The following MFSD1 variants were observed in gnomAD, a reference collection of about 807,000 sequenced individuals.
MFSD1 encodes major facilitator superfamily domain containing 1.
Under a neutral mutation model 67.1 loss-of-function variants are expected in MFSD1, and 59 were observed. The observed-to-expected ratio is 0.88, with a 90% CI of 0.71 to 1.09. MFSD1 has a LOEUF of 1.09. Among genes scored for constraint, MFSD1 ranks in the 50% least tolerant of loss-of-function variants. The probability of loss-of-function intolerance (pLI) is 0.00; values close to 1 mark genes in which losing one functional copy is unlikely to be tolerated. For missense variants in MFSD1, 552 were observed against 566.1 expected (o/e 0.97, Z 0.25); for synonymous variants, 213 against 200.3 (o/e 1.06, Z -0.54).
intron 6 of MFSD1, among the ~76,000 whole-genome samples, chr3:158,810,570 A>G (rs1189513285): frequency 6.6e-6 from 1 of 152,178 alleles, no homozygotes; most frequent in African/African-American, 2.4e-5. Flanking sequence ...TCTCGCTATG[A>G]AAGTTCTGTG....
chr3:158,804,171 T>C (rs1729600652), intron 1 of MFSD1, 148 bp from the exon 2 acceptor site: 2 of 564,884 alleles, frequency 3.5e-6, no homozygotes, highest in Non-Finnish European at 6.2e-6. Context: ...ACTTAGAAAA[T>C]ACTGGTGGAT....
chr3:158,813,941 G>GTT, intron 6 of MFSD1, 24 bp from the exon 7 acceptor site: 4 of 1,474,588 alleles, frequency 2.7e-6, no homozygotes, highest in Admixed American at 1.7e-5. Context: ...AAATGCTGTT[G>GTT]TTTTTTTTTC....
chr3:158,808,029 G>T (rs1324298042), intron 5 of MFSD1, among the ~76,000 whole-genome samples: 1 of 152,200 alleles, frequency 6.6e-6, no homozygotes, highest in African/African-American at 2.4e-5. Flanking sequence ...AGTTTTAAAA[G>T]CATAACTTAT....
chr3:158,829,148 A>C lies in MFSD1; in HGVS notation c.*166A>C. The C allele has an allele frequency of 2.1e-6, 1 of 486,646 alleles. No individual in the cohort carries two copies. Among genetic ancestry groups the C allele is most frequent in the East Asian group, 3.5e-5 (1 of 28,354 alleles). The allele number at this position is 486,646 out of a possible 1,614,324, so 30.1% of individuals were successfully genotyped here. A position where few individuals can be genotyped will look rare whatever the true frequency, so the allele number is the denominator to read the frequency against. On this transcript the variant is annotated 3_prime_UTR_variant, in exon 16 of 16. Transcript: ENST00000415822. ...AAAGTGTATTTGTGAGGCCTGTTTT[A>C]GCCTGTGTCTTTTGTATTGTGTGTT...
intron 7 of MFSD1, among the ~76,000 whole-genome samples, chr3:158,816,664 A>C (rs1730366204): frequency 6.6e-6 from 1 of 150,980 alleles, no homozygotes; most frequent in African/African-American, 2.4e-5. Context: ...ATGAGATCCC[A>C]TTTGTCAATT....
At chr3:158,805,579 C>G in intron 3 of MFSD1, 105 bp downstream of exon 3, 5 of 891,310 alleles carry the variant, frequency 5.6e-6, no homozygotes, top group Non-Finnish European at 9.1e-6. Flanking sequence ...TCTGTATTAA[C>G]TAATAATTTG....
At chr3:158,827,962 G>GAA (rs1662254866) in intron 15 of MFSD1, among the ~76,000 whole-genome samples, 2 of 115,958 alleles carry the variant, frequency 1.7e-5, no homozygotes, top group Admixed American at 1.7e-4. Flanking sequence ...GAGAGAGAGA[G>GAA]AGAGAGAGAG....
intron 6 of MFSD1, among the ~76,000 whole-genome samples, chr3:158,809,730 A>G (rs1729906924): frequency 6.6e-6 from 1 of 152,220 alleles, no homozygotes; most frequent in African/African-American, 2.4e-5. Context: ...ATTTACAAGT[A>G]GCTTTTACTG....
In MFSD1 at chr3:158,814,600, C is replaced by T. The variant is rs559155183; in HGVS notation, c.652+533C>T. Among the ~76,000 whole-genome samples, 6 of 152,072 alleles carry T rather than the reference C, an allele frequency of 3.9e-5. No homozygotes were observed. In the East Asian group the frequency reaches 7.8e-4, roughly 20 times the overall value. On this transcript the variant is annotated intron_variant, in intron 7 of 15. Coordinates refer to ENST00000415822, the MANE Select transcript of MFSD1 (RefSeq NM_022736.4). Reference sequence around the variant, plus strand: ...CCTCCCAGAGTGCTGGGATTACAGGCGTGAGCCACCGCACCTGGCCTGTTG... The same window carrying T: ...CCTCCCAGAGTGCTGGGATTACAGGTGTGAGCCACCGCACCTGGCCTGTTG...
chr3:158,816,071 G>C (rs1332275611), intron 7 of MFSD1, among the ~76,000 whole-genome samples: 89 of 151,990 alleles, frequency 5.9e-4, no homozygotes, highest in African/African-American at 2.0e-3. Context: ...CATTTGGGTT[G>C]GTTCCAAGTC....
chr3:158,826,882 G>A (rs1465630118), intron 14 of MFSD1, among the ~76,000 whole-genome samples: 1 of 151,854 alleles, frequency 6.6e-6, no homozygotes, highest in Non-Finnish European at 1.5e-5. Context: ...TGCCCAGGCT[G>A]GTTTCAAACT....
chr3:158,815,302 A>G (rs941457204), intron 7 of MFSD1, among the ~76,000 whole-genome samples: 1 of 149,696 alleles, frequency 6.7e-6, no homozygotes, highest in African/African-American at 2.5e-5. Context: ...TAGTTCTGTC[A>G]TCTTGGATAA....
chr3:158,816,744 G>C (rs1730371512), intron 7 of MFSD1, among the ~76,000 whole-genome samples: 1 of 151,278 alleles, frequency 6.6e-6, no homozygotes, highest in African/African-American at 2.4e-5. Flanking sequence ...GTCCTGAATG[G>C]TAATGCCTAG....
intron 1 of MFSD1, among the ~76,000 whole-genome samples, chr3:158,803,751 T>C (rs929921726): frequency 6.6e-6 from 1 of 152,148 alleles, no homozygotes; most frequent in Non-Finnish European, 1.5e-5. Context: ...TCTTTCCAGT[T>C]CCCCCAAAGA....
At chr3:158,808,928 G>A (rs2108209210) in intron 5 of MFSD1, 2 of 381,466 alleles carry the variant, frequency 5.2e-6, no homozygotes, top group Non-Finnish European at 4.7e-6. Context: ...GTGGTTCAGG[G>A]CTCCAAGTGC....
At position 158,822,122 on chromosome 3, in the gene MFSD1, G is replaced by A. The variant is rs1730713095; in HGVS notation, c.1059G>A (p.Trp353Ter). 2 of 1,612,958 alleles carry A rather than the reference G, an allele frequency of 1.2e-6. No homozygotes were observed. Among genetic ancestry groups the A allele is most frequent in the Non-Finnish European group, 1.7e-6 (2 of 1,179,128 alleles). Residue 353 changes from tryptophan to a stop codon, truncating the protein, a stop_gained, in exon 11 of 16, where the codon TGG becomes TGA. Transcript: ENST00000415822. LOFTEE classifies it high-confidence loss of function. ...ACATGATGCTGGCCTTTACGATGTGGAACCCTTGGATTGCTATGGTAACGT... is the reference window on the plus strand; with the variant it reads ...ACATGATGCTGGCCTTTACGATGTGAAACCCTTGGATTGCTATGGTAACGT... The part of the protein sequence containing the change: ...VSHMMLAFTM[W>*]NPWIAMCLLG...
chr3:158,814,003 T>G lies in MFSD1; in HGVS notation c.588T>G (p.Tyr196Ter), dbSNP rs1730177208. 3 of 1,613,894 alleles carry G rather than the reference T, an allele frequency of 1.9e-6. No individual in the cohort carries two copies. Among genetic ancestry groups the G allele is most frequent in the Admixed American group, 1.7e-5 (1 of 59,994 alleles). Residue 196 changes from tyrosine (Y) to a stop codon, truncating the protein, a stop_gained, in exon 7 of 16, where the codon TAT becomes TAG. Coordinates refer to ENST00000415822, the MANE Select transcript of MFSD1 (RefSeq NM_022736.4). LOFTEE classifies it high-confidence loss of function. ...TVNMNLMGWL[Y>*]SKIEALLGSA... ...ACATGAACCTCATGGGATGGCTGTA[T>G]TCTAAGATTGAAGCTTTGTTAGGTT...
chr3:158,822,686 C>T (rs1730739418), intron 11 of MFSD1: 1 of 153,598 alleles, frequency 6.5e-6, no homozygotes, highest in South Asian at 2.0e-4. Flanking sequence ...GGGCATTTCT[C>T]TAGAAGTGTT....
chr3:158,807,410 G>C lies in MFSD1; in HGVS notation c.387G>C (p.Leu129=), dbSNP rs763927480. 25 of 1,612,658 alleles carry C rather than the reference G, an allele frequency of 1.6e-5. No homozygotes were observed. Among genetic ancestry groups the C allele is most frequent in the Non-Finnish European group, 2.1e-5 (25 of 1,179,208 alleles). Reference sequence around the variant, plus strand: ...CTACATTATAGGTTGTTTTTGCCCTGGGTGGAATATTTAATGCTTTTTGGC... The same window carrying C: ...CTACATTATAGGTTGTTTTTGCCCTCGGTGGAATATTTAATGCTTTTTGGC... ...FVCIGQVVFA[L]GGIFNAFWLM... Residue 129 remains leucine, a synonymous_variant, in exon 5 of 16, where the codon CTG becomes CTC. Coordinates refer to ENST00000415822, the MANE Select transcript of MFSD1 (RefSeq NM_022736.4).
Sources: allele counts gnomAD v4.1 joint callset (sites outside exome capture counted in the v4.1 genomes callset), GRCh38; gene constraint gnomAD v4.1.1; transcripts MANE v1.5; gene names NCBI Gene and HGNC (gene_info 2026-07-23, HGNC 2026-07-21).